The following GZF1 variants were observed in gnomAD, a reference collection of about 807,000 sequenced individuals.
GZF1 encodes the protein GDNF inducible zinc finger protein 1.
Under a neutral mutation model 49.4 loss-of-function variants are expected in GZF1, and 28 were observed. That is an observed-to-expected ratio of 0.57 (90% CI 0.42 to 0.78). GZF1 has a LOEUF of 0.78. Ranked by LOEUF, GZF1 falls within the 30% of genes least tolerant of loss-of-function variation. The pLI is 0.00. For synonymous variants in GZF1, 364 were observed against 356.0 expected (o/e 1.02, Z -0.25); for missense variants, 798 against 916.2 (o/e 0.87, Z 1.67).
At chr20:23,370,055 ACATT>A in intron 5 of GZF1, 32 bp from the exon 6 acceptor site, 1 of 1,530,638 alleles carries the variant, frequency 6.5e-7, no homozygotes, top group Non-Finnish European at 9.0e-7. Context: ...GTCCAGAGAC[ACATT>A]CAGTGACCTT....
Position 23,364,882 on chromosome 20 carries a change from G to A in GZF1, c.499G>A (p.Val167Met). The A allele has an allele frequency of 1.2e-6, 2 of 1,614,240 alleles. No homozygotes were observed. The highest frequency in any genetic ancestry group is 1.7e-6 in the Non-Finnish European group (2 of 1,180,054). Residue 167 changes from valine (V) to methionine (M), a missense_variant, in exon 2 of 6, where the codon GTG becomes ATG. Physicochemically the swap from Val to Met is conservative, Grantham distance 21. Around this residue, in one of 3 missense-constraint regions of GZF1, gnomAD observed 247 missense variants for 228.5 expected, o/e 1.08. Transcript: ENST00000338121. ...TGCTGCTCCTGCCCCCAGGGCAAGT[G>A]TGGCCACCGATGGCCCTCACCCCAG... is the stretch of plus-strand genomic sequence containing the variant. ...VSAAPAPRAS[V>M]ATDGPHPSGL...
In GZF1 at chr20:23,370,429, C is replaced by A. The variant is rs762691207; in HGVS notation, c.2124C>A (p.Ser708Arg). 5.0e-6 allele frequency: 8 copies of A among 1,607,502 alleles called. No homozygotes were observed. Among genetic ancestry groups the A allele is most frequent in the Admixed American group, 3.3e-5 (2 of 59,920 alleles). The change falls in exon 6 of 6, where the codon AGC (serine) becomes AGA (arginine). Residue 708 changes from serine to arginine, a missense_variant. Ser to Arg is a moderately radical substitution (Grantham distance 110). Coordinates refer to ENST00000338121, the MANE Select transcript of GZF1 (RefSeq NM_022482.5). Reference sequence around the variant, plus strand: ...TGCCCACACAGCTTCACTCTTTGAGCAACATGGAATAAGAGCTTCAAGCAG... The same window carrying A: ...TGCCCACACAGCTTCACTCTTTGAGAAACATGGAATAAGAGCTTCAAGCAG... ...DSMPTQLHSL[S>R]NME
Position 23,365,236 on chromosome 20 carries a change from G to T in GZF1, c.853G>T (p.Gly285Cys), listed in dbSNP as rs1455173067. 3 of 1,603,458 alleles carry T rather than the reference G, an allele frequency of 1.9e-6. No homozygotes were observed. The highest frequency in any genetic ancestry group is 2.6e-6 in the Non-Finnish European group (3 of 1,174,334). Residue 285 changes from glycine to cysteine, a missense_variant, in exon 2 of 6, where the codon GGT (glycine) becomes TGT (cysteine). Gly to Cys is a radical substitution (Grantham distance 159, BLOSUM62 -3). This residue lies in a region of GZF1 where 247 missense variants were observed against 228.5 expected (regional missense o/e 1.08). Coordinates refer to ENST00000338121, the MANE Select transcript of GZF1 (RefSeq NM_022482.5). ...TTCCAAAAATGAGGGTTGCCAGGCA[G>T]GTGCTGAGTTGGAGGAATTGTCAAA... ...QVSKNEGCQA[G>C]AELEELSKKA...
In GZF1 at chr20:23,370,791, T is replaced by C. The variant is rs989487946; in HGVS notation, c.*350T>C. 2.6e-5 allele frequency: 6 copies of C among 230,334 alleles called. No homozygotes were observed. Among genetic ancestry groups the C allele is most frequent in the South Asian group, 1.8e-4 (3 of 16,890 alleles). The allele number at this position is 230,334 out of a possible 1,614,324, so 14.3% of individuals were successfully genotyped here. On this transcript the variant is annotated 3_prime_UTR_variant, in exon 6 of 6. Coordinates refer to ENST00000338121, the MANE Select transcript of GZF1 (RefSeq NM_022482.5). ...GCAGAGTACAGAGAACTGAACCAGCTCCTGATATTGTAGTTAGCAGTCTTC... is the reference window on the plus strand; with the variant it reads ...GCAGAGTACAGAGAACTGAACCAGCCCCTGATATTGTAGTTAGCAGTCTTC...
intron 1 of GZF1, among the ~76,000 whole-genome samples, chr20:23,363,764 T>C (rs2123027052): frequency 6.6e-6 from 1 of 152,352 alleles, no homozygotes; most frequent in African/African-American, 2.4e-5. Context: ...TTGTAAAAGC[T>C]GTGGAACTTA....
Position 23,372,388 on chromosome 20 carries a change from C to T in GZF1, c.*1947C>T, listed in dbSNP as rs1018876938. 6 of 152,112 alleles carry T rather than the reference C, an allele frequency of 3.9e-5. No individual in the cohort carries two copies. The highest frequency in any genetic ancestry group is 1.4e-4 in the African/African-American group (6 of 41,392). The allele number at this position is 152,112 out of a possible 1,614,324, so 9.4% of individuals were successfully genotyped here. On this transcript the variant is annotated 3_prime_UTR_variant, in exon 6 of 6. Transcript: ENST00000338121. ...AATCCGGGTCCATAAGCCTTTATTTCATACAGTCCTAGGATTAAGCTGTTT... is the reference window on the plus strand; with the variant it reads ...AATCCGGGTCCATAAGCCTTTATTTTATACAGTCCTAGGATTAAGCTGTTT...
At chr20:23,366,095 C>G (rs1316135049) in intron 2 of GZF1, among the ~76,000 whole-genome samples, 1 of 152,152 alleles carries the variant, frequency 6.6e-6, no homozygotes, top group Admixed American at 6.5e-5. Context: ...CTGTGACCAT[C>G]CGGGTCCCAC....
upstream of GZF1, among the ~76,000 whole-genome samples, chr20:23,361,858 G>C (rs532860303): frequency 6.6e-6 from 1 of 152,334 alleles, no homozygotes; most frequent in South Asian, 2.1e-4. Flanking sequence ...AAGTGACCAC[G>C]CGAATCTGAC....
At chr20:23,368,153 G>A (rs1261300818) in intron 3 of GZF1, among the ~76,000 whole-genome samples, 1 of 152,200 alleles carries the variant, frequency 6.6e-6, no homozygotes, top group African/African-American at 2.4e-5. Flanking sequence ...TTATAATGAA[G>A]GATTAAGTTA....
intron 1 of GZF1, 55 bp downstream of exon 1, chr20:23,362,292 CTT>C (rs1023334931): frequency 2.6e-5 from 4 of 152,374 alleles, no homozygotes; most frequent in African/African-American, 7.2e-5. Flanking sequence ...GCCGCCGCCT[CTT>C]TGTCCGCGCG....
At chr20:23,367,494 G>A (rs1236389961) in intron 3 of GZF1, among the ~76,000 whole-genome samples, 1 of 152,136 alleles carries the variant, frequency 6.6e-6, no homozygotes, top group African/African-American at 2.4e-5. Flanking sequence ...CAACTACAAG[G>A]AAGTGCTCTA....
Position 23,364,582 on chromosome 20 carries a change from G to T in GZF1, c.199G>T (p.Glu67Ter), listed in dbSNP as rs1257415109. ...SKFFKEVFLN[E>*]KSVDGTRTNV... is the part of the protein sequence containing the mutation. ...GTTTTTTAAGGAAGTGTTCCTTAAT[G>T]AGAAGAGTGTGGATGGTACTAGGAC... Residue 67 changes from glutamate (E) to a stop codon, truncating the protein, a stop_gained, in exon 2 of 6, where the codon GAG (glutamate) becomes TAG (stop). Transcript: ENST00000338121. LOFTEE classifies it high-confidence loss of function. 6.2e-6 allele frequency: 10 copies of T among 1,614,112 alleles called. No individual in the cohort carries two copies. Among genetic ancestry groups the T allele is most frequent in the Non-Finnish European group, 8.5e-6 (10 of 1,180,032 alleles).
At position 23,369,752 on chromosome 20, in the gene GZF1, G is replaced by T. The variant is rs751688028; in HGVS notation, c.1785+11G>T. The T allele has an allele frequency of 2.5e-6, 4 of 1,600,542 alleles. No homozygotes were observed. In the Middle Eastern group the frequency reaches 5.0e-4, roughly 201 times the overall value. ...CGGCGGCACACCTCAGTAAGCAGTG[G>T]GTTGGCTTATTTGAGAAACAAGCTG... On this transcript the variant is annotated intron_variant, in intron 5 of 5. Coordinates refer to ENST00000338121, the MANE Select transcript of GZF1 (RefSeq NM_022482.5).
Position 23,370,519 on chromosome 20 carries a change from A to G in GZF1, c.*78A>G, listed in dbSNP as rs1422753469. Reference sequence around the variant, plus strand: ...AAGATGATGTGGGGCTAAGAAAAATAATTGTCCATGTGCAAAGATGTGGGC... The same window carrying G: ...AAGATGATGTGGGGCTAAGAAAAATGATTGTCCATGTGCAAAGATGTGGGC... On this transcript the variant is annotated 3_prime_UTR_variant, in exon 6 of 6. Coordinates refer to ENST00000338121, the MANE Select transcript of GZF1 (RefSeq NM_022482.5). The G allele has an allele frequency of 4.1e-6, 4 of 970,652 alleles. No homozygotes were observed. The highest frequency in any genetic ancestry group is 6.4e-6 in the Non-Finnish European group (4 of 627,674). The allele number at this position is 970,652 out of a possible 1,614,324, so 60.1% of individuals were successfully genotyped here.
intron 3 of GZF1, 42 bp from the exon 4 acceptor site, chr20:23,368,720 A>G: frequency 6.6e-7 from 1 of 1,505,848 alleles, no homozygotes; most frequent in Non-Finnish European, 9.0e-7. Context: ...TGTGTTTTTA[A>G]TGCCTGTATT....
In GZF1 at chr20:23,368,823, A is replaced by C; in HGVS notation, c.1521A>C (p.Lys507Asn). The stretch of plus-strand genomic sequence containing the variant: ...GTTTTGCTTCTAAGGAGTACTTAAA[A>C]CACCACAATAGAATCCATACTGGAT... ...GKSFASKEYLKHHNRIHTGSK... is the reference protein window; with the variant it reads ...GKSFASKEYLNHHNRIHTGSK... The change falls in exon 4 of 6, where the codon AAA (lysine) becomes AAC (asparagine). Residue 507 changes from lysine (K) to asparagine (N), a missense_variant. Around this residue, in one of 3 missense-constraint regions of GZF1, gnomAD observed 446 missense variants for 540.1 expected, o/e 0.83. Transcript: ENST00000338121. 1 of 1,613,720 alleles carries C rather than the reference A, an allele frequency of 6.2e-7. No individual in the cohort carries two copies.
chr20:23,365,835 C>A (rs1166267390), intron 2 of GZF1, 88 bp downstream of exon 2: 27 of 1,426,420 alleles, frequency 1.9e-5, no homozygotes, highest in Non-Finnish European at 1.8e-5. Context: ...TGTCTCACTG[C>A]TTAATTTCTC....
chr20:23,361,574 A>C (rs1415831885), upstream of GZF1, among the ~76,000 whole-genome samples: 1 of 151,996 alleles, frequency 6.6e-6, no homozygotes, highest in Non-Finnish European at 1.5e-5. Flanking sequence ...ACCGCGGAAG[A>C]AGCGCCCCAG....
chr20:23,364,536 A>G lies in GZF1; in HGVS notation c.153A>G (p.Ala51=). 6.2e-7 allele frequency: 1 copy of G among 1,614,262 alleles called. No individual in the cohort carries two copies. Among genetic ancestry groups the G allele is most frequent in the Non-Finnish European group, 8.5e-7 (1 of 1,180,040 alleles). The change falls in exon 2 of 6, where the codon GCA becomes GCG. Residue 51 remains alanine (A), a synonymous_variant. Transcript: ENST00000338121. ...GCAAAGACTTCATGGCCCACAAGGCAGTGCTGGCTGCCACCAGCAAGTTTT... is the reference window on the plus strand; with the variant it reads ...GCAAAGACTTCATGGCCCACAAGGCGGTGCTGGCTGCCACCAGCAAGTTTT... ...GVRKDFMAHK[A]VLAATSKFFK...
Sources: allele counts gnomAD v4.1 joint callset (sites outside exome capture counted in the v4.1 genomes callset), GRCh38; gene constraint gnomAD v4.1.1; regional missense constraint gnomAD v4.1.1; transcripts MANE v1.5; gene names NCBI Gene and HGNC (gene_info 2026-07-23, HGNC 2026-07-21).